The following IGF2BP3 variants were observed in gnomAD, a reference collection of about 807,000 sequenced individuals.
IGF2BP3 encodes the protein insulin-like growth factor 2 mRNA-binding protein 3.
In IGF2BP3, 9 loss-of-function variants were observed where a neutral mutation model predicts 73.8. The ratio of observed to expected loss-of-function variants is 0.12; its 90% CI spans 0.07 to 0.21. The LOEUF is 0.21. Ranked by LOEUF, IGF2BP3 falls within the 10% of genes least tolerant of loss-of-function variation. The pLI, the probability that IGF2BP3 is intolerant of heterozygous loss-of-function variation, is 1.00. For synonymous variants in IGF2BP3, 258 were observed against 256.7 expected, an observed-to-expected ratio of 1.01 and a Z score of -0.05; for missense variants, 542 against 714.0, an observed-to-expected ratio of 0.76 and a Z score of 2.75.
At chr7:23,402,575 A>G (rs577231765) in intron 3 of IGF2BP3, 66 of 152,326 alleles carry the variant, frequency 4.3e-4, no homozygotes, top group African/African-American at 1.6e-3. Flanking sequence ...ACATACCGTC[A>G]TTTTGGGTGA....
intron 12 of IGF2BP3, among the ~76,000 whole-genome samples, chr7:23,316,633 C>T (rs1373457456): frequency 1.3e-5 from 2 of 148,324 alleles, no homozygotes; most frequent in African/African-American, 5.0e-5. Context: ...TGAGATCACG[C>T]CACTGCAGTC....
intron 2 of IGF2BP3, among the ~76,000 whole-genome samples, chr7:23,449,315 C>T (rs995721456): frequency 6.6e-6 from 1 of 151,604 alleles, no homozygotes; most frequent in African/African-American, 2.4e-5. Flanking sequence ...CAAGAGATCG[C>T]GACCATCCTG....
At chr7:23,428,615 G>A (rs1787586073) in intron 2 of IGF2BP3, among the ~76,000 whole-genome samples, 1 of 150,798 alleles carries the variant, frequency 6.6e-6, no homozygotes, top group South Asian at 2.1e-4. Flanking sequence ...GCTGAGGTGG[G>A]AAAACCGCTT....
At chr7:23,468,352 G>C (rs1472133002) in intron 2 of IGF2BP3, 130 bp downstream of exon 2, 3 of 904,268 alleles carry the variant, frequency 3.3e-6, no homozygotes, top group Non-Finnish European at 5.4e-6. Context: ...TTAAAAGCAA[G>C]GATTAAAGAC....
At position 23,312,382 on chromosome 7, in the gene IGF2BP3, G is replaced by C. The variant is rs1401499408; in HGVS notation, c.1720C>G (p.Pro574Ala). Residue 574 changes from proline to alanine, a missense_variant, in exon 15 of 15, where the codon CCT becomes GCT. Transcript: ENST00000258729. ...QQQKALQSGP[P>A]QSRRK ...AGCCTTTACTTCCGTCTTGACTGAG[G>C]TGGTCCACTTTGCAGAGCCTTCTGT... is the stretch of plus-strand genomic sequence containing the variant. 7.4e-6 allele frequency: 12 copies of C among 1,612,612 alleles called. No homozygotes were observed. The highest frequency in any genetic ancestry group is 2.7e-5 in the African/African-American group (2 of 74,874).
intron 7 of IGF2BP3, among the ~76,000 whole-genome samples, chr7:23,347,171 C>G (rs559775428): frequency 4.6e-5 from 7 of 152,192 alleles, no homozygotes; most frequent in African/African-American, 1.7e-4. Flanking sequence ...AGATAAATCT[C>G]CAGTTTGCCT....
chr7:23,334,051 A>G (rs1420841676), intron 10 of IGF2BP3, among the ~76,000 whole-genome samples: 1 of 152,176 alleles, frequency 6.6e-6, no homozygotes, highest in Admixed American at 6.5e-5. Context: ...AGAATAAGCC[A>G]TGAGCCGGGT....
chr7:23,354,326 A>G (rs1785039640), intron 5 of IGF2BP3, among the ~76,000 whole-genome samples: 1 of 152,228 alleles, frequency 6.6e-6, no homozygotes, highest in Non-Finnish European at 1.5e-5. Context: ...TAAACAGATC[A>G]CTGAAGGTTC....
At chr7:23,391,355 C>A (rs1255906568) in intron 3 of IGF2BP3, among the ~76,000 whole-genome samples, 1 of 152,166 alleles carries the variant, frequency 6.6e-6, no homozygotes, top group Non-Finnish European at 1.5e-5. Flanking sequence ...CTGCCTCAGC[C>A]TCCCAAAGTG....
intron 3 of IGF2BP3, chr7:23,396,410 T>C: frequency 6.5e-6 from 1 of 154,240 alleles, no homozygotes; most frequent in Non-Finnish European, 1.4e-5. Flanking sequence ...CTGAAATATG[T>C]ACTTACACAC....
At chr7:23,440,687 C>G (rs12532727) in intron 2 of IGF2BP3, among the ~76,000 whole-genome samples, 16,257 of 152,220 alleles carry the variant, frequency 0.11, 951 homozygotes, top group Middle Eastern at 0.14. Context: ...GAGCGGCACA[C>G]CAGGACTCCA....
At chr7:23,359,982 C>A (rs563152280) in intron 5 of IGF2BP3, among the ~76,000 whole-genome samples, 65 of 151,758 alleles carry the variant, frequency 4.3e-4, no homozygotes, top group African/African-American at 1.5e-3. Flanking sequence ...AGGATACCAA[C>A]AGAAGAAATA....
Position 23,327,441 on chromosome 7 carries a change from C to T in IGF2BP3, c.1204-8187G>A, listed in dbSNP as rs554503764. Among the ~76,000 whole-genome samples the T allele has an allele frequency of 1.8e-3, 276 of 152,050 alleles. 2 individuals are homozygous for T. Among genetic ancestry groups the T allele is most frequent in the African/African-American group, 5.9e-3 (244 of 41,488 alleles). The stretch of plus-strand genomic sequence containing the variant: ...GACTACAGGCGCCCACCATCACGCC[C>T]GGCTAATTTTTTTGTATTTTTAGTA... On this transcript the variant is annotated intron_variant, in intron 10 of 14. Coordinates refer to ENST00000258729, the MANE Select transcript of IGF2BP3 (RefSeq NM_006547.3).
intron 2 of IGF2BP3, among the ~76,000 whole-genome samples, chr7:23,424,114 T>C (rs921388715): frequency 6.6e-6 from 1 of 151,874 alleles, no homozygotes; most frequent in Non-Finnish European, 1.5e-5. Context: ...TGAGACTCCA[T>C]CTCAAACAAA....
chr7:23,374,331 A>G (rs1428011378), intron 3 of IGF2BP3, among the ~76,000 whole-genome samples: 1 of 152,174 alleles, frequency 6.6e-6, no homozygotes, highest in African/African-American at 2.4e-5. Flanking sequence ...CCTACCTTGG[A>G]TACCAAAATT....
intron 5 of IGF2BP3, among the ~76,000 whole-genome samples, chr7:23,355,142 A>ATATG (rs556937018): frequency 6.4e-4 from 97 of 152,296 alleles, no homozygotes; most frequent in African/African-American, 2.2e-3. Context: ...TATTTGACAC[A>ATATG]TATGTATTCA....
intron 3 of IGF2BP3, among the ~76,000 whole-genome samples, chr7:23,400,388 C>G (rs1397816900): frequency 6.6e-6 from 1 of 152,170 alleles, no homozygotes; most frequent in Non-Finnish European, 1.5e-5. Flanking sequence ...AGAGCCACAG[C>G]TGACCTTGTC....
At chr7:23,345,835 A>C (rs985351364) in intron 8 of IGF2BP3, 105 bp downstream of exon 8, 2 of 1,316,118 alleles carry the variant, frequency 1.5e-6, no homozygotes, top group Non-Finnish European at 2.1e-6. Flanking sequence ...GTACGGCAGC[A>C]CAGGCTAGCT....
At chr7:23,316,679 A>G (rs1783999423) in intron 12 of IGF2BP3, among the ~76,000 whole-genome samples, 1 of 151,258 alleles carries the variant, frequency 6.6e-6, no homozygotes, top group East Asian at 1.9e-4. Flanking sequence ...TGTCTCAAAA[A>G]AAAAAAAAAA....
Sources: allele counts gnomAD v4.1 joint callset (sites outside exome capture counted in the v4.1 genomes callset), GRCh38; gene constraint gnomAD v4.1.1; transcripts MANE v1.5; gene names NCBI Gene and HGNC (gene_info 2026-07-23, HGNC 2026-07-21).